Variants in PCOLCE observed in about 807,000 individuals in gnomAD.
PCOLCE encodes the protein procollagen C-endopeptidase enhancer 1.
PCOLCE carries 33 observed loss-of-function variants against 47.2 expected under a neutral mutation model. That is an observed-to-expected ratio of 0.70 (90% CI 0.53 to 0.93). The LOEUF (loss-of-function observed/expected upper bound fraction) is 0.93, where lower values mean the gene tolerates loss of function less well. Among genes scored for constraint, PCOLCE ranks in the 40% least tolerant of loss-of-function variants. The pLI is 0.00. For synonymous variants in PCOLCE, 254 were observed against 252.5 expected, an observed-to-expected ratio of 1.01 and a Z score of -0.06; for missense variants, 584 against 585.3, an observed-to-expected ratio of 1.00 and a Z score of 0.02.
intron 2 of PCOLCE, 21 bp from the exon 3 acceptor site, chr7:100,603,938 C>A: frequency 1.3e-6 from 2 of 1,596,954 alleles, no homozygotes; most frequent in South Asian, 1.1e-5. Flanking sequence ...TGTGGGTCCC[C>A]GCCTCTGTCC....
chr7:100,604,049 G>GGA lies in PCOLCE; in HGVS notation c.295_296insGA (p.Ala99GlyfsTer23). 6.2e-7 allele frequency: 1 copy of GGA among 1,607,922 alleles called. No individual in the cohort carries two copies. Among genetic ancestry groups the GGA allele is most frequent in the Non-Finnish European group, 8.5e-7 (1 of 1,180,002 alleles). On this transcript the variant is annotated frameshift_variant, in exon 3 of 9. Coordinates refer to ENST00000223061, the MANE Select transcript of PCOLCE (RefSeq NM_002593.4). LOFTEE classifies it high-confidence loss of function. The surrounding 1 kb of genome is among the most constrained non-coding windows in gnomAD (Gnocchi z 6.4). ...CCGCTACGATGCTCTGGAGGTCTTC[G>GGA]CTGGGTCTGGGACTTCCGGCCAGCG...
intron 5 of PCOLCE, 56 bp from the exon 6 acceptor site, chr7:100,606,360 G>T: frequency 7.9e-7 from 1 of 1,268,622 alleles, no homozygotes; most frequent in South Asian, 1.2e-5. Context: ...GGGCTGAGAA[G>T]AGTGTGGTGC....
rs1802740483 is a variant in PCOLCE at position 100,607,669 on chromosome 7, G to C, written c.1045G>C (p.Glu349Gln). ...TGCGACAGTGAAGTCCATGGTTCGG[G>C]AGCCAGGGGAGGGCCTTGCCGTGAC... ...VTATVKSMVR[E>Q]PGEGLAVTVS... is the part of the protein sequence containing the mutation. Residue 349 changes from glutamate (E) to glutamine (Q), a missense_variant, in exon 8 of 9, where the codon GAG (glutamate) becomes CAG (glutamine). Coordinates refer to ENST00000223061, the MANE Select transcript of PCOLCE (RefSeq NM_002593.4). 1 of 1,614,138 alleles carries C rather than the reference G, an allele frequency of 6.2e-7. No homozygotes were observed. The highest frequency in any genetic ancestry group is 1.1e-5 in the South Asian group (1 of 91,080).
chr7:100,606,018 G>A (rs977055213), intron 5 of PCOLCE: 5 of 617,480 alleles, frequency 8.1e-6, no homozygotes, highest in Non-Finnish European at 1.4e-5. Context: ...GGGGCTCTGC[G>A]AAGTTGGGAC....
chr7:100,605,785 G>T lies in PCOLCE; in HGVS notation c.698G>T (p.Gly233Val), dbSNP rs552487413. 2.1e-5 allele frequency: 32 copies of T among 1,554,426 alleles called. 3 individuals carry two copies. In the Middle Eastern group the frequency reaches 3.8e-3, roughly 186 times the overall value. ...GTGAGCGACGACTCCCGGAGGCTGG[G>T]GAAGTTCTGCGGCGACGCAGTCCCG... The part of the protein sequence containing the change: ...GAVSDDSRRL[G>V]KFCGDAVPGS... The change falls in exon 5 of 9, where the codon GGG becomes GTG. Residue 233 changes from glycine (G) to valine (V), a missense_variant. Coordinates refer to ENST00000223061, the MANE Select transcript of PCOLCE (RefSeq NM_002593.4). This position sits in a 1 kb window ranked among gnomAD's most constrained non-coding sequence, Gnocchi z 6.1.
In PCOLCE at chr7:100,607,669, G is replaced by A; in HGVS notation, c.1045G>A (p.Glu349Lys). The change falls in exon 8 of 9, where the codon GAG (glutamate) becomes AAG (lysine). Residue 349 changes from glutamate (E) to lysine (K), a missense_variant. Physicochemically the swap from Glu to Lys is moderately conservative, Grantham distance 56. Transcript: ENST00000223061. ...VTATVKSMVR[E>K]PGEGLAVTVS... is the part of the protein sequence containing the mutation. The stretch of plus-strand genomic sequence containing the variant: ...TGCGACAGTGAAGTCCATGGTTCGG[G>A]AGCCAGGGGAGGGCCTTGCCGTGAC... 1 of 1,614,138 alleles carries A rather than the reference G, an allele frequency of 6.2e-7. No homozygotes were observed. The highest frequency in any genetic ancestry group is 8.5e-7 in the Non-Finnish European group (1 of 1,180,024).
chr7:100,606,207 T>C (rs1383019453), intron 5 of PCOLCE: 2 of 570,032 alleles, frequency 3.5e-6, no homozygotes, highest in African/African-American at 1.9e-5. Context: ...GGCGTGCCTG[T>C]AGTCCCAGCA....
chr7:100,605,422 G>T lies in PCOLCE; in HGVS notation c.588+207G>T. On this transcript the variant is annotated intron_variant, in intron 4 of 8. Coordinates refer to ENST00000223061, the MANE Select transcript of PCOLCE (RefSeq NM_002593.4). The surrounding 1 kb of genome is among the most constrained non-coding windows in gnomAD (Gnocchi z 6.1). ...AAGTCTCAGGAGAGCGAGGTACAGG[G>T]TCCTGGTATAACACGCGGGCCTGTC... is the stretch of plus-strand genomic sequence containing the variant. 1.5e-6 allele frequency: 1 copy of T among 665,186 alleles called. No homozygotes were observed. Among genetic ancestry groups the T allele is most frequent in the Non-Finnish European group, 2.5e-6 (1 of 395,090 alleles). 41.2% of individuals were successfully genotyped at this position (665,186 alleles called of 1,614,324 possible).
intron 2 of PCOLCE, 156 bp from the exon 3 acceptor site, chr7:100,603,803 A>T: frequency 1.3e-6 from 1 of 785,280 alleles, no homozygotes; most frequent in Non-Finnish European, 2.0e-6. Context: ...CTACCAGCAG[A>T]GCTGCAGAGA....
Position 100,607,439 on chromosome 7 carries a change from T to TCCTCCCTCCTAGATGCACCCA in PCOLCE, c.941-9_952dup. The TCCTCCCTCCTAGATGCACCCA allele has an allele frequency of 1.9e-6, 3 of 1,610,250 alleles. No individual in the cohort carries two copies. The highest frequency in any genetic ancestry group is 2.5e-6 in the Non-Finnish European group (3 of 1,177,128). On this transcript the variant is annotated splice_polypyrimidine_tract_variant and intron_variant, in intron 6 of 8. Transcript: ENST00000223061. ...CTGCTGAGCAGGTCACCCTCCACCC[T>TCCTCCCTCCTAGATGCACCCA]CCTCCCTCCTAGATGCACCCACCTG... is the stretch of plus-strand genomic sequence containing the variant.
Position 100,605,233 on chromosome 7 carries a change from C to T in PCOLCE, c.588+18C>T, listed in dbSNP as rs777553877. The stretch of plus-strand genomic sequence containing the variant: ...CGGACCAGGTACCGACCCTCCTCCC[C>T]GGGCTGCCCTAGGGGACCCAGGCGG... On this transcript the variant is annotated intron_variant, in intron 4 of 8. Transcript: ENST00000223061. The surrounding 1 kb of genome is among the most constrained non-coding windows in gnomAD (Gnocchi z 6.1). 1.9e-6 allele frequency: 3 copies of T among 1,605,876 alleles called. No individual in the cohort carries two copies. Among genetic ancestry groups the T allele is most frequent in the Non-Finnish European group, 1.7e-6 (2 of 1,174,802 alleles).
chr7:100,607,137 G>A (rs562975825), intron 6 of PCOLCE, among the ~76,000 whole-genome samples: 11 of 150,642 alleles, frequency 7.3e-5, no homozygotes, highest in Non-Finnish European at 1.0e-4. Context: ...TAGCTACTCC[G>A]GAGGCTGAGG....
chr7:100,607,104 A>AAAAAAAAAAAAAC (rs1384780039), intron 6 of PCOLCE, among the ~76,000 whole-genome samples: 4 of 151,534 alleles, frequency 2.6e-5, no homozygotes, highest in Non-Finnish European at 5.9e-5. Flanking sequence ...AAAAAAAAAA[A>AAAAAAAAAAAAAC]AACTTAGCCA....
In PCOLCE at chr7:100,602,553, T is replaced by A; in HGVS notation, c.95+2T>A. ...GGGCCAGACCCCCAACTACACCAGG[T>A]AGGTCTCTTGGCATCTTCCAGACAG... On this transcript the variant is annotated splice_donor_variant, in intron 1 of 8. Coordinates refer to ENST00000223061, the MANE Select transcript of PCOLCE (RefSeq NM_002593.4). LOFTEE classifies it high-confidence loss of function. The A allele has an allele frequency of 6.3e-7, 1 of 1,583,006 alleles. No individual in the cohort carries two copies. The highest frequency in any genetic ancestry group is 1.3e-5 in the African/African-American group (1 of 74,412).
Position 100,602,554 on chromosome 7 carries a change from A to G in PCOLCE, c.95+3A>G, listed in dbSNP as rs1802629156. 1 of 1,578,814 alleles carries G rather than the reference A, an allele frequency of 6.3e-7. No individual in the cohort carries two copies. The highest frequency in any genetic ancestry group is 8.7e-7 in the Non-Finnish European group (1 of 1,148,732). On this transcript the variant is annotated splice_donor_region_variant and intron_variant, in intron 1 of 8. Coordinates refer to ENST00000223061, the MANE Select transcript of PCOLCE (RefSeq NM_002593.4). ...GGCCAGACCCCCAACTACACCAGGT[A>G]GGTCTCTTGGCATCTTCCAGACAGC...
Position 100,604,782 on chromosome 7 carries a change from G to C in PCOLCE, c.464-309G>C, listed in dbSNP as rs1434716997. 1.2e-5 allele frequency: 5 copies of C among 411,702 alleles called. No individual in the cohort carries two copies. In the East Asian group the frequency reaches 2.2e-4, roughly 19 times the overall value. The allele number at this position is 411,702 out of a possible 1,614,324, so 25.5% of individuals were successfully genotyped here. A position where few individuals can be genotyped will look rare whatever the true frequency, so the allele number is the denominator to read the frequency against. ...ACTCTGCTGCAGGGCCGGGGAGATG[G>C]GATCTCCTAGGGGAAGAGGCGCGGT... On this transcript the variant is annotated intron_variant, in intron 3 of 8. Transcript: ENST00000223061. The surrounding 1 kb of genome is among the most constrained non-coding windows in gnomAD (Gnocchi z 6.4).
At position 100,605,644 on chromosome 7, in the gene PCOLCE, G is replaced by C. The variant is rs1225379375; in HGVS notation, c.589-32G>C. 1.9e-6 allele frequency: 3 copies of C among 1,559,910 alleles called. No individual in the cohort carries two copies. Among genetic ancestry groups the C allele is most frequent in the African/African-American group, 1.4e-5 (1 of 73,522 alleles). On this transcript the variant is annotated intron_variant, in intron 4 of 8. Transcript: ENST00000223061. The surrounding 1 kb of genome is among the most constrained non-coding windows in gnomAD (Gnocchi z 6.1). ...AGGTGCAGGCGCCCAGGGGTGTCCC[G>C]CCGCGCAGTCCCCGCCTCCGCCCGC...
rs776231614 is a variant in PCOLCE at position 100,604,255 on chromosome 7, G to A, written c.463+38G>A. The A allele has an allele frequency of 1.3e-6, 2 of 1,558,084 alleles. No homozygotes were observed. The highest frequency in any genetic ancestry group is 1.7e-6 in the Non-Finnish European group (2 of 1,154,150). On this transcript the variant is annotated intron_variant, in intron 3 of 8. Coordinates refer to ENST00000223061, the MANE Select transcript of PCOLCE (RefSeq NM_002593.4). The surrounding 1 kb of genome is among the most constrained non-coding windows in gnomAD (Gnocchi z 6.4). ...TCACCTCCGCCTTCCCCCCCTCCAG[G>A]CCCCGCCCCGGCCGCAGCCCCGCCC...
chr7:100,607,090 C>CAAAA (rs559618495), intron 6 of PCOLCE, among the ~76,000 whole-genome samples: 7 of 105,256 alleles, frequency 6.7e-5, no homozygotes, highest in African/African-American at 2.3e-4. Flanking sequence ...GATTCTGTCT[C>CAAAA]AAAAAAAAAA....
Sources: allele counts gnomAD v4.1 joint callset (sites outside exome capture counted in the v4.1 genomes callset), GRCh38; gene constraint gnomAD v4.1.1; non-coding constraint Gnocchi (gnomAD v3.1); transcripts MANE v1.5; gene names NCBI Gene and HGNC (gene_info 2026-07-23, HGNC 2026-07-21).